LAMA4: variants seen among roughly 807,000 people sequenced by gnomAD.
LAMA4 encodes the protein laminin subunit alpha 4, also known as laminin subunit alpha-4.
In LAMA4, 127 loss-of-function variants were observed where a neutral mutation model predicts 207.1. The ratio of observed to expected loss-of-function variants is 0.61; its 90% CI spans 0.53 to 0.71. The LOEUF (loss-of-function observed/expected upper bound fraction) is 0.71. Ranked by LOEUF, LAMA4 falls within the 30% of genes least tolerant of loss-of-function variation. The pLI, the probability that LAMA4 is intolerant of heterozygous loss-of-function variation, is 0.00. For synonymous variants in LAMA4, 761 were observed against 816.0 expected, an observed-to-expected ratio of 0.93 and a Z score of 1.15; for missense variants, 2,093 against 2,246.5, an observed-to-expected ratio of 0.93 and a Z score of 1.38.
chr6:112,235,243 C>CA (rs1486990654), intron 2 of LAMA4, among the ~76,000 whole-genome samples: 2 of 152,192 alleles, frequency 1.3e-5, no homozygotes, highest in African/African-American at 4.8e-5. Flanking sequence ...CTGTTCATAG[C>CA]AAAGTCCCTG....
chr6:112,129,369 A>G (rs1012274300), intron 30 of LAMA4, among the ~76,000 whole-genome samples: 39 of 152,230 alleles, frequency 2.6e-4, no homozygotes, highest in East Asian at 3.9e-4. Flanking sequence ...CTTAATCTAT[A>G]TTAAATTCCT....
In LAMA4 at chr6:112,165,314, T is replaced by G. The variant is rs41289906; in HGVS notation, c.1552-38A>C. The G allele has an allele frequency of 1.8e-3, 2,448 of 1,337,412 alleles. 11 individuals carry two copies. Among genetic ancestry groups the G allele is most frequent in the Non-Finnish European group, 1.9e-3 (1,753 of 927,596 alleles). The allele number at this position is 1,337,412 out of a possible 1,614,324, so 82.8% of individuals were successfully genotyped here. A position where few individuals can be genotyped will look rare whatever the true frequency, so the allele number is the denominator to read the frequency against. The stretch of plus-strand genomic sequence containing the variant: ...AGAGTAAGGGAGAGTGAAGTGAATA[T>G]GTCTTTAGGGAAAGCGTTGGGGAGA... On this transcript the variant is annotated intron_variant, in intron 12 of 38. Transcript: ENST00000230538.
rs369799390 is a variant in LAMA4 at position 112,115,973 on chromosome 6, A to C, written c.5002T>G (p.Leu1668Val). 6.8e-6 allele frequency: 11 copies of C among 1,613,112 alleles called. No homozygotes were observed. The African/African-American group carries it at 1.1e-4, about 16-fold the overall frequency. ...ACTTCAAATGCAATTTCAAACTTCA[A>C]TCCAATATTGAAAGATTCATCTGTG... ...VVLDESFNIG[L>V]KFEIAFEVRP... The change falls in exon 36 of 39, where the codon TTG (leucine) becomes GTG (valine). Residue 1668 changes from leucine to valine, a missense_variant. Coordinates refer to ENST00000230538, the MANE Select transcript of LAMA4 (RefSeq NM_001105206.3).
In LAMA4 at chr6:112,119,321, G is replaced by A. The variant is rs1554325312; in HGVS notation, c.4666-10C>T. ...CTCGAATAAATATCACCTGGATGAA[G>A]AGAAGGACAATAGCACATCTCAGGT... On this transcript the variant is annotated splice_polypyrimidine_tract_variant and intron_variant, in intron 33 of 38. Transcript: ENST00000230538. The A allele has an allele frequency of 6.2e-7, 1 of 1,613,142 alleles. No individual in the cohort carries two copies. The highest frequency in any genetic ancestry group is 1.3e-5 in the African/African-American group (1 of 74,928).
Position 112,154,891 on chromosome 6 carries a change from G to A in LAMA4, c.2016C>T (p.Leu672=). 6.2e-7 allele frequency: 1 copy of A among 1,613,472 alleles called. No individual in the cohort carries two copies. Among genetic ancestry groups the A allele is most frequent in the Non-Finnish European group, 8.5e-7 (1 of 1,179,474 alleles). The part of the protein sequence containing the change: ...IIYHKDESEN[L]LNQARELQAK... ...CTTGCAGTTCTCTGGCTTGATTGAG[G>A]AGGTTCTCACTTTCATCTTTATGGT... Residue 672 remains leucine (L), a synonymous_variant, in exon 16 of 39, where the codon CTC becomes CTT. Coordinates refer to ENST00000230538, the MANE Select transcript of LAMA4 (RefSeq NM_001105206.3).
chr6:112,130,222 A>G, intron 29 of LAMA4, 182 bp from the exon 30 acceptor site: 1 of 605,966 alleles, frequency 1.7e-6, no homozygotes, highest in Non-Finnish European at 2.9e-6. Context: ...TCTATATGCA[A>G]AAAAGATCCT....
At chr6:112,184,047 A>G (rs1288954430) in intron 9 of LAMA4, among the ~76,000 whole-genome samples, 1 of 152,056 alleles carries the variant, frequency 6.6e-6, no homozygotes, top group African/African-American at 2.4e-5. Context: ...GTTTCCACAA[A>G]TATTTATTTC....
chr6:112,184,083 G>A (rs1227272746), intron 9 of LAMA4, among the ~76,000 whole-genome samples: 1 of 151,924 alleles, frequency 6.6e-6, no homozygotes, highest in South Asian at 2.1e-4. Flanking sequence ...CTATTTAAGA[G>A]ATTTCACTGC....
At chr6:112,129,787 A>T (rs1343974659) in intron 30 of LAMA4, 89 bp downstream of exon 30, 2 of 1,070,982 alleles carry the variant, frequency 1.9e-6, no homozygotes, top group Non-Finnish European at 2.8e-6. Flanking sequence ...CCTCAGATAC[A>T]TTTCATAGTT....
chr6:112,167,186 G>A (rs1781429719), intron 12 of LAMA4, among the ~76,000 whole-genome samples: 1 of 152,176 alleles, frequency 6.6e-6, no homozygotes, highest in African/African-American at 2.4e-5. Flanking sequence ...CTGAAATTTG[G>A]GGATTATTCT....
At chr6:112,113,686 C>T (rs1031569730) in intron 38 of LAMA4, among the ~76,000 whole-genome samples, 2 of 152,118 alleles carry the variant, frequency 1.3e-5, no homozygotes, top group Admixed American at 6.6e-5. Context: ...GCATTTTTTC[C>T]TACTGAGGAA....
intron 31 of LAMA4, among the ~76,000 whole-genome samples, chr6:112,124,607 G>A (rs183418522): frequency 2.5e-3 from 382 of 152,176 alleles, no homozygotes; most frequent in Non-Finnish European, 4.3e-3. Flanking sequence ...CTTTATCAGT[G>A]TAATTTTTTG....
intron 12 of LAMA4, chr6:112,171,493 G>A (rs756894755): frequency 1.3e-5 from 2 of 153,678 alleles, no homozygotes; most frequent in Admixed American, 6.6e-5. Context: ...AGTTGTAGAG[G>A]AATGGAAAAG....
chr6:112,177,436 A>T (rs1277127103), intron 10 of LAMA4, among the ~76,000 whole-genome samples: 7 of 152,208 alleles, frequency 4.6e-5, no homozygotes, highest in Non-Finnish European at 7.4e-5. Context: ...ACTCTCACCC[A>T]AGGAAATCTT....
chr6:112,242,449 C>T (rs1395364680), intron 2 of LAMA4, among the ~76,000 whole-genome samples: 1 of 152,186 alleles, frequency 6.6e-6, no homozygotes, highest in African/African-American at 2.4e-5. Context: ...TTTGCAATTT[C>T]CCCTACATCC....
At chr6:112,251,180 G>C (rs147348395) in intron 2 of LAMA4, 1 of 152,160 alleles carries the variant, frequency 6.6e-6, no homozygotes, top group Non-Finnish European at 1.5e-5. Flanking sequence ...TTTGCATCTG[G>C]GGGGAAGCTT....
intron 12 of LAMA4, among the ~76,000 whole-genome samples, chr6:112,167,590 T>C (rs781843285): frequency 3.1e-4 from 47 of 152,166 alleles, no homozygotes; most frequent in Non-Finnish European, 6.5e-4. Context: ...ATGGTGAAAG[T>C]AGTGTTTAGT....
chr6:112,200,124 A>G (rs782334456), intron 5 of LAMA4: 2 of 533,274 alleles, frequency 3.8e-6, no homozygotes, highest in East Asian at 5.5e-5. Context: ...GGAATGGGAA[A>G]TATCTTACCG....
rs372074151 is a variant in LAMA4 at position 112,191,687 on chromosome 6, G to A, written c.667C>T (p.Arg223Cys). ...TCCCCATAGTAGCCAGGAGCGCAACGTTCACACTTGAATCCGGTGGTGTTG... is the reference window on the plus strand; with the variant it reads ...TCCCCATAGTAGCCAGGAGCGCAACATTCACACTTGAATCCGGTGGTGTTG... ...LRNTTGFKCE[R>C]CAPGYYGDAR... Residue 223 changes from arginine to cysteine, a missense_variant, in exon 6 of 39, where the codon CGT becomes TGT. Transcript: ENST00000230538. 1.7e-5 allele frequency: 27 copies of A among 1,613,968 alleles called. No individual in the cohort carries two copies. Among genetic ancestry groups the A allele is most frequent in the African/African-American group, 9.3e-5 (7 of 74,916 alleles).
Sources: gnomAD v4.1 joint callset for allele counts (sites outside exome capture counted in the v4.1 genomes callset) on GRCh38, gnomAD v4.1.1 for gene constraint, MANE v1.5 for transcripts, NCBI Gene and HGNC (gene_info 2026-07-23, HGNC 2026-07-21) for gene names.